KCNIP1: variants seen among roughly 807,000 people sequenced by gnomAD.
KCNIP1 encodes the protein potassium voltage-gated channel interacting protein 1, also known as A-type potassium channel modulatory protein KCNIP1.
KCNIP1 carries 18 observed loss-of-function variants against 33.0 expected under a neutral mutation model. The observed-to-expected ratio is 0.55, with a 90% confidence interval of 0.38 to 0.81. The LOEUF is 0.81. KCNIP1 is among the 30% of genes least tolerant of loss of function. KCNIP1 has a pLI of 0.00. For synonymous variants in KCNIP1, 93 were observed against 98.3 expected (o/e 0.95, Z 0.32); for missense variants, 238 against 271.6 (o/e 0.88, Z 0.87).
intron 1 of KCNIP1, among the ~76,000 whole-genome samples, chr5:170,612,158 CA>C (rs1441536593): frequency 6.6e-6 from 1 of 152,216 alleles, no homozygotes; most frequent in Admixed American, 6.5e-5. Flanking sequence ...ACCAGACAGA[CA>C]GACACCCAAT....
intron 1 of KCNIP1, chr5:170,383,361 A>C (rs1764329816): frequency 3.4e-6 from 2 of 589,680 alleles, no homozygotes; most frequent in East Asian, 5.6e-5. Flanking sequence ...CAAGCGTGGC[A>C]CTTTATATAC....
At chr5:170,651,981 G>C (rs1761060289) in intron 1 of KCNIP1, among the ~76,000 whole-genome samples, 1 of 152,196 alleles carries the variant, frequency 6.6e-6, no homozygotes, top group Non-Finnish European at 1.5e-5. Context: ...GAAAGAGATT[G>C]TACAGTAATT....
At chr5:170,595,664 A>G (rs4495201) in intron 1 of KCNIP1, among the ~76,000 whole-genome samples, 124,351 of 152,162 alleles carry the variant, frequency 0.82, 51,301 homozygotes, top group East Asian at 0.99. Flanking sequence ...AGCTCATTCA[A>G]TCTTTCTAAC....
chr5:170,628,604 C>T (rs551692042), intron 1 of KCNIP1, among the ~76,000 whole-genome samples: 1 of 152,224 alleles, frequency 6.6e-6, no homozygotes, highest in African/African-American at 2.4e-5. Flanking sequence ...ATCCAGAAGG[C>T]GGCCTTGGTA....
rs572259366 is a variant in KCNIP1, at chr5:170,612,689, C to T, written c.62-106069C>T. 8.5e-5 allele frequency among the ~76,000 whole-genome samples: 13 copies of T among 152,324 alleles called. No homozygotes were observed. In the South Asian group the frequency reaches 2.1e-3, roughly 24 times the overall value. ...GTCATGGTGGCAGGAGGAGAACAGA[C>T]GGATCGCCCTGCTCCAGCCTGACAA... On this transcript the variant is annotated intron_variant, in intron 1 of 7. Transcript: ENST00000328939.
intron 1 of KCNIP1, among the ~76,000 whole-genome samples, chr5:170,372,543 C>G (rs181934066): frequency 6.6e-6 from 1 of 151,886 alleles, no homozygotes; most frequent in Non-Finnish European, 1.5e-5. Context: ...GCTCCCATGC[C>G]GAAGCTATTT....
At chr5:170,426,649 G>C (rs929209448) in intron 1 of KCNIP1, among the ~76,000 whole-genome samples, 5 of 152,264 alleles carry the variant, frequency 3.3e-5, no homozygotes, top group Non-Finnish European at 7.3e-5. Flanking sequence ...TTAACACAGT[G>C]CCTGAGCTTG....
intron 1 of KCNIP1, among the ~76,000 whole-genome samples, chr5:170,530,889 G>A (rs1755763679): frequency 6.6e-6 from 1 of 152,150 alleles, no homozygotes; most frequent in Non-Finnish European, 1.5e-5. Context: ...CCTGTGTTGA[G>A]CAGTGGAGAT....
chr5:170,461,191 C>T, intron 1 of KCNIP1, among the ~76,000 whole-genome samples: 1 of 152,160 alleles, frequency 6.6e-6, no homozygotes, highest in Non-Finnish European at 1.5e-5. Context: ...ACATCCAATG[C>T]TCATGTATGG....
chr5:170,361,945 T>A (rs535221998), intron 1 of KCNIP1, among the ~76,000 whole-genome samples: 11 of 152,304 alleles, frequency 7.2e-5, no homozygotes, highest in Non-Finnish European at 1.3e-4. Context: ...CCCATTGCAC[T>A]AAGTAAATGG....
chr5:170,504,003 G>A (rs1554096936), upstream of KCNIP1: 1 of 650,426 alleles, frequency 1.5e-6, no homozygotes, highest in Non-Finnish European at 1.9e-6. The surrounding 1 kb of genome is among the most constrained non-coding windows in gnomAD (Gnocchi z 6.0). Context: ...CCCCTCCGCC[G>A]CCCCCTCCGC....
rs573132426 is a variant in KCNIP1 at position 170,428,710 on chromosome 5, C to A, written c.88+74746C>A. On this transcript the variant is annotated intron_variant, in intron 1 of 7. Transcript: ENST00000377360. ...AGCCAATAGGAAGAAAGGTGTGTGT[C>A]ACCTTCACCTTCCCACCCTTTATGG... Among the ~76,000 whole-genome samples the A allele has an allele frequency of 9.9e-5, 15 of 152,230 alleles. No homozygotes were observed. In the South Asian group the frequency reaches 3.1e-3, roughly 32 times the overall value.
intron 1 of KCNIP1, among the ~76,000 whole-genome samples, chr5:170,470,110 C>T (rs992292680): frequency 6.6e-6 from 1 of 152,114 alleles, no homozygotes; most frequent in Non-Finnish European, 1.5e-5. Context: ...ACTAGCTGCC[C>T]GTCTTTGAAT....
intron 1 of KCNIP1, chr5:170,678,810 T>A (rs1399478040): frequency 6.6e-6 from 1 of 152,180 alleles, no homozygotes; most frequent in Non-Finnish European, 1.5e-5. Context: ...AGCAACAGCA[T>A]GAGTTTTATA....
chr5:170,441,795 C>CA (rs971849300), intron 1 of KCNIP1, among the ~76,000 whole-genome samples: 2 of 151,590 alleles, frequency 1.3e-5, no homozygotes, highest in African/African-American at 4.9e-5. Flanking sequence ...ACTAAAAATA[C>CA]AAAAAAACTA....
intron 1 of KCNIP1, among the ~76,000 whole-genome samples, chr5:170,494,118 C>T (rs374303201): frequency 6.6e-6 from 1 of 152,228 alleles, no homozygotes; most frequent in East Asian, 1.9e-4. Context: ...AGTCTCCTCA[C>T]TCAGTAGCCT....
intron 1 of KCNIP1, among the ~76,000 whole-genome samples, chr5:170,354,199 G>A (rs753882511): frequency 6.6e-6 from 1 of 152,210 alleles, no homozygotes; most frequent in Non-Finnish European, 1.5e-5. Context: ...AATGGAGTTG[G>A]TGGTGTGTGG....
intron 1 of KCNIP1, among the ~76,000 whole-genome samples, chr5:170,469,786 T>C (rs1315980901): frequency 6.6e-6 from 1 of 152,228 alleles, no homozygotes. Context: ...GGCCTTTCCA[T>C]TCTCTTCCAT....
At chr5:170,448,513 C>T (rs756581046) in intron 1 of KCNIP1, among the ~76,000 whole-genome samples, 3 of 152,224 alleles carry the variant, frequency 2.0e-5, no homozygotes, top group Non-Finnish European at 4.4e-5. Context: ...CTGCAAGCCC[C>T]TTGAGTGGGC....
Sources: gnomAD v4.1 joint callset for allele counts (sites outside exome capture counted in the v4.1 genomes callset) on GRCh38, gnomAD v4.1.1 for gene constraint, Gnocchi (gnomAD v3.1) non-coding constraint, MANE v1.5 for transcripts, NCBI Gene and HGNC (gene_info 2026-07-23, HGNC 2026-07-21) for gene names.